Variants in VWC2 observed in about 807,000 individuals in gnomAD.
VWC2 encodes the protein brorin.
Under a neutral mutation model 29.8 loss-of-function variants are expected in VWC2, and 14 were observed. The ratio of observed to expected loss-of-function variants is 0.47; its 90% confidence interval spans 0.31 to 0.74. The LOEUF is 0.74. Ranked by LOEUF, VWC2 falls within the 30% of genes least tolerant of loss-of-function variation. VWC2 has a pLI of 0.05. For synonymous variants in VWC2, 213 were observed against 199.0 expected, an observed-to-expected ratio of 1.07 and a Z score of -0.59; for missense variants, 457 against 459.8, an observed-to-expected ratio of 0.99 and a Z score of 0.05.
rs1792362932 is a variant in VWC2 at position 49,895,858 on chromosome 7, G to T, written c.827-16176G>T. Among the ~76,000 whole-genome samples the T allele has an allele frequency of 1.3e-5, 2 of 152,120 alleles. 1 individual carries two copies. The highest frequency in any genetic ancestry group is 1.3e-4 in the Admixed American group (2 of 15,268). The stretch of plus-strand genomic sequence containing the variant: ...CTCCCACTTAATAATGAAGTTAAAT[G>T]TATGGGAGGTTACTTGCATTGAGTA... On this transcript the variant is annotated intron_variant, in intron 3 of 3. Coordinates refer to ENST00000340652, the MANE Select transcript of VWC2 (RefSeq NM_198570.5).
At chr7:49,852,561 C>G (rs1309809749) in intron 3 of VWC2, among the ~76,000 whole-genome samples, 1 of 151,748 alleles carries the variant, frequency 6.6e-6, no homozygotes, top group Non-Finnish European at 1.5e-5. Flanking sequence ...GGGGATAATG[C>G]TATTTAGTGG....
intron 3 of VWC2, among the ~76,000 whole-genome samples, chr7:49,904,054 C>G (rs188079305): frequency 1.3e-5 from 2 of 152,214 alleles, no homozygotes; most frequent in Admixed American, 1.3e-4. Context: ...TGGTTGCCAT[C>G]TTATCTGCTC....
Position 49,776,008 on chromosome 7 carries a change from G to C in VWC2, c.573G>C (p.Glu191Asp). ...TEEGPLCAQP[E>D]CPRLHPRCIH... is the part of the protein sequence containing the mutation. ...AGGGGCCGCTGTGCGCGCAGCCCGA[G>C]TGCCCGAGGCTGCACCCGCGCTGCA... Residue 191 changes from glutamate (E) to aspartate (D), a missense_variant, in exon 2 of 4, where the codon GAG (glutamate) becomes GAC (aspartate). Transcript: ENST00000340652. The C allele has an allele frequency of 3.2e-6, 5 of 1,544,830 alleles. No individual in the cohort carries two copies. The highest frequency in any genetic ancestry group is 4.3e-6 in the Non-Finnish European group (5 of 1,149,532).
intron 3 of VWC2, among the ~76,000 whole-genome samples, chr7:49,820,753 C>T (rs1170813277): frequency 6.6e-6 from 1 of 152,210 alleles, no homozygotes; most frequent in African/African-American, 2.4e-5. Context: ...CTTGCAATGC[C>T]TTGCGATCCC....
intron 3 of VWC2, among the ~76,000 whole-genome samples, chr7:49,900,268 T>G (rs1468109364): frequency 2.6e-5 from 4 of 151,434 alleles, no homozygotes; most frequent in Non-Finnish European, 4.4e-5. Context: ...CTTTAGAAAC[T>G]AGAAAAAGAA....
chr7:49,821,700 G>A lies in VWC2; in HGVS notation c.826+18860G>A, dbSNP rs921136481. 1.3e-4 allele frequency among the ~76,000 whole-genome samples: 19 copies of A among 151,646 alleles called. No homozygotes were observed. The East Asian group carries it at 3.1e-3, about 25-fold the overall frequency. On this transcript the variant is annotated intron_variant, in intron 3 of 3. Coordinates refer to ENST00000340652, the MANE Select transcript of VWC2 (RefSeq NM_198570.5). ...AAGCTTTTGGAAGTTGATTCTGTGA[G>A]TTAAAACATCTAATGCTATTGCAAA...
chr7:49,851,258 G>C (rs1465613179), intron 3 of VWC2, among the ~76,000 whole-genome samples: 1 of 152,108 alleles, frequency 6.6e-6, no homozygotes, highest in Non-Finnish European at 1.5e-5. Flanking sequence ...AGGGCCACTT[G>C]GGTAATCCAG....
intron 3 of VWC2, among the ~76,000 whole-genome samples, chr7:49,874,359 A>G (rs2128724414): frequency 6.6e-6 from 1 of 152,352 alleles, no homozygotes; most frequent in East Asian, 1.9e-4. Context: ...TACAGTATTC[A>G]GTACAGGAAC....
At chr7:49,826,412 A>T (rs1230035326) in intron 3 of VWC2, among the ~76,000 whole-genome samples, 1 of 152,224 alleles carries the variant, frequency 6.6e-6, no homozygotes, top group African/African-American at 2.4e-5. Context: ...CCTCAAAAAA[A>T]CTAGTGGACT....
chr7:49,874,180 CCA>C (rs139144140), intron 3 of VWC2, among the ~76,000 whole-genome samples: 25 of 149,268 alleles, frequency 1.7e-4, no homozygotes, highest in East Asian at 5.8e-4. Flanking sequence ...ATGCACACAC[CCA>C]CACACACACA....
At chr7:49,854,912 C>T (rs1790353042) in intron 3 of VWC2, among the ~76,000 whole-genome samples, 1 of 152,176 alleles carries the variant, frequency 6.6e-6, no homozygotes, top group Admixed American at 6.5e-5. Flanking sequence ...GGTTAAGTAA[C>T]TTGCCCAATG....
intron 3 of VWC2, among the ~76,000 whole-genome samples, chr7:49,841,627 A>T (rs2128713671): frequency 6.6e-6 from 1 of 152,280 alleles, no homozygotes; most frequent in East Asian, 1.9e-4. Flanking sequence ...TTCCGGGAGG[A>T]CAGAGGTTCT....
At chr7:49,893,757 T>G (rs1384939608) in intron 3 of VWC2, among the ~76,000 whole-genome samples, 3 of 152,092 alleles carry the variant, frequency 2.0e-5, no homozygotes, top group Non-Finnish European at 4.4e-5. Context: ...AGTTGGGAAA[T>G]TTTACATTTG....
At chr7:49,851,322 A>C (rs916541746) in intron 3 of VWC2, among the ~76,000 whole-genome samples, 1 of 152,136 alleles carries the variant, frequency 6.6e-6, no homozygotes, top group Non-Finnish European at 1.5e-5. Flanking sequence ...CCCTTTTCCA[A>C]ATAAGGCCTC....
chr7:49,788,510 T>C (rs958516382), intron 2 of VWC2, among the ~76,000 whole-genome samples: 1 of 150,984 alleles, frequency 6.6e-6, no homozygotes, highest in Non-Finnish European at 1.5e-5. Context: ...TGTATGAGTG[T>C]GTGTGAGTGT....
At chr7:49,881,516 T>TA (rs1297508374) in intron 3 of VWC2, among the ~76,000 whole-genome samples, 1 of 152,194 alleles carries the variant, frequency 6.6e-6, no homozygotes, top group African/African-American at 2.4e-5. Context: ...ACTGTGGCCT[T>TA]ACTTATTTGG....
rs1793570554 is a variant in VWC2, at chr7:49,913,581, G to T, written c.*1396G>T. ...TGTTTATTCTGAAATTTTGCATTAAGAACCTATTAAGTACAAAGCATTGAC... is the reference window on the plus strand; with the variant it reads ...TGTTTATTCTGAAATTTTGCATTAATAACCTATTAAGTACAAAGCATTGAC... On this transcript the variant is annotated 3_prime_UTR_variant, in exon 4 of 4. Transcript: ENST00000340652. 1 of 152,040 alleles carries T rather than the reference G, an allele frequency of 6.6e-6. No individual in the cohort carries two copies. Among genetic ancestry groups the T allele is most frequent in the Admixed American group, 6.6e-5 (1 of 15,260 alleles). The allele number at this position is 152,040 out of a possible 1,614,324, so 9.4% of individuals were successfully genotyped here.
At chr7:49,827,271 C>G (rs1355573568) in intron 3 of VWC2, among the ~76,000 whole-genome samples, 1 of 151,892 alleles carries the variant, frequency 6.6e-6, no homozygotes, top group Non-Finnish European at 1.5e-5. Flanking sequence ...TATACTCATG[C>G]TAGTAGAGTG....
In VWC2 at chr7:49,877,505, T is replaced by C. The variant is rs1361592278; in HGVS notation, c.827-34529T>C. 7.4e-4 allele frequency among the ~76,000 whole-genome samples: 70 copies of C among 94,808 alleles called. 12 individuals carry two copies. Among genetic ancestry groups the C allele is most frequent in the Middle Eastern group, 5.0e-3 (1 of 202 alleles). The allele number at this position is 94,808 out of a possible 152,430, so 62.2% of individuals were successfully genotyped here. ...AAATATATATATATATATATATATA[T>C]ATATATATATATAGTTATTTGGTCA... On this transcript the variant is annotated intron_variant, in intron 3 of 3. Coordinates refer to ENST00000340652, the MANE Select transcript of VWC2 (RefSeq NM_198570.5).
Sources: allele counts gnomAD v4.1 joint callset (sites outside exome capture counted in the v4.1 genomes callset), GRCh38; gene constraint gnomAD v4.1.1; transcripts MANE v1.5; gene names NCBI Gene and HGNC (gene_info 2026-07-23, HGNC 2026-07-21).